Variants in CDON observed in about 807,000 individuals in gnomAD.
CDON encodes the protein cell adhesion associated, oncogene regulated.
Under a neutral mutation model 120.9 loss-of-function variants are expected in CDON, and 73 were observed. The ratio of observed to expected loss-of-function variants is 0.60; its 90% CI spans 0.50 to 0.73. CDON has a LOEUF of 0.73. CDON is among the 30% of genes least tolerant of loss of function. The probability of loss-of-function intolerance (pLI) is 0.00; values close to 1 mark genes in which losing one functional copy is unlikely to be tolerated. For synonymous variants in CDON, 566 were observed against 573.5 expected (o/e 0.99, Z 0.19); for missense variants, 1,470 against 1,587.3 (o/e 0.93, Z 1.26).
chr11:125,969,663 A>G (rs1945905909), intron 18 of CDON, among the ~76,000 whole-genome samples: 1 of 152,238 alleles, frequency 6.6e-6, no homozygotes, highest in South Asian at 2.1e-4. Flanking sequence ...AGCTCTATGC[A>G]TCTTGCTACA....
At chr11:125,970,376 TG>T in intron 18 of CDON, among the ~76,000 whole-genome samples, 2 of 151,972 alleles carry the variant, frequency 1.3e-5, no homozygotes, top group African/African-American at 4.8e-5. Context: ...GGTTTCACCA[TG>T]TTGGTCAGGC....
chr11:126,055,064 C>T (rs559129918), intron 1 of CDON, among the ~76,000 whole-genome samples: 41 of 152,264 alleles, frequency 2.7e-4, no homozygotes, highest in Non-Finnish European at 5.0e-4. Context: ...TTAATGAAAG[C>T]AGTCACGTGA....
At position 125,958,064 on chromosome 11, in the gene CDON, GAA is replaced by G; in HGVS notation, c.*2876_*2877del. The stretch of plus-strand genomic sequence containing the variant: ...GGAGAAATGTGGACCTCTGGAAGAC[GAA>G]GTCATAAGCAGAGCTCTGCCCGCGG... On this transcript the variant is annotated 3_prime_UTR_variant, in exon 20 of 20. Coordinates refer to ENST00000531738, the MANE Select transcript of CDON (RefSeq NM_001378964.1). The G allele has an allele frequency of 6.6e-6, 1 of 152,342 alleles. No individual in the cohort carries two copies. Among genetic ancestry groups the G allele is most frequent in the South Asian group, 2.1e-4 (1 of 4,820 alleles). The allele number at this position is 152,342 out of a possible 1,614,324, so 9.4% of individuals were successfully genotyped here.
rs75314005 is a variant in CDON, at chr11:125,963,568, T to A, written c.3357-1570A>T. Among the ~76,000 whole-genome samples the A allele has an allele frequency of 6.5e-3, 989 of 152,288 alleles. 12 individuals carry two copies. Among genetic ancestry groups the A allele is most frequent in the African/African-American group, 0.023 (955 of 41,564 alleles). Reference sequence around the variant, plus strand: ...CGTTCAAGTTACTGGAAATACCAAATCTTAAGCATGAAGACAGACATGAAC... The same window carrying A: ...CGTTCAAGTTACTGGAAATACCAAAACTTAAGCATGAAGACAGACATGAAC... On this transcript the variant is annotated intron_variant, in intron 18 of 19. Coordinates refer to ENST00000531738, the MANE Select transcript of CDON (RefSeq NM_001378964.1).
intron 15 of CDON, among the ~76,000 whole-genome samples, 160 bp downstream of exon 15, chr11:125,989,477 A>G (rs1436067885): frequency 1.3e-5 from 2 of 152,320 alleles, no homozygotes; most frequent in East Asian, 3.9e-4. Context: ...TGGAGGTTGC[A>G]GCGAGTTGAG....
rs778763147 is a variant in CDON, at chr11:126,001,863, A to G, written c.2027-13T>C. 2.5e-6 allele frequency: 4 copies of G among 1,578,048 alleles called. No homozygotes were observed. Among genetic ancestry groups the G allele is most frequent in the Non-Finnish European group, 3.5e-6 (4 of 1,146,888 alleles). ...GACGCTGTTTTTTCTAGAAAGGTAA[A>G]TAAACATATACAGTAACATAAGCAT... On this transcript the variant is annotated splice_polypyrimidine_tract_variant and intron_variant, in intron 10 of 19. Transcript: ENST00000531738.
intron 1 of CDON, among the ~76,000 whole-genome samples, chr11:126,032,428 G>A (rs1008097308): frequency 2.6e-5 from 4 of 151,758 alleles, no homozygotes; most frequent in African/African-American, 7.3e-5. Context: ...CACAGTGAGG[G>A]GAAAGCAACA....
At position 126,017,119 on chromosome 11, in the gene CDON, T is replaced by C; in HGVS notation, c.897A>G (p.Val299=). The part of the protein sequence containing the change: ...SCMAGNKSGD[V]KYVTYMVNVL... ...CATTAACCATGTAAGTCACATATTT[T>C]ACATCTCCAGACTTGTTTCCCGCCA... The change falls in exon 6 of 20, where the codon GTA becomes GTG. Residue 299 remains valine, a synonymous_variant. Transcript: ENST00000531738. 1 of 1,614,198 alleles carries C rather than the reference T, an allele frequency of 6.2e-7. No homozygotes were observed. Among genetic ancestry groups the C allele is most frequent in the Non-Finnish European group, 8.5e-7 (1 of 1,180,016 alleles).
intron 14 of CDON, among the ~76,000 whole-genome samples, chr11:125,993,044 AC>A (rs1249971092): frequency 3.9e-5 from 6 of 152,154 alleles, no homozygotes; most frequent in African/African-American, 1.4e-4. Flanking sequence ...TAGAAATGCT[AC>A]GTCAGAAAGT....
chr11:125,996,694 C>A (rs1591367407), intron 12 of CDON, among the ~76,000 whole-genome samples: 1 of 64,324 alleles, frequency 1.6e-5, no homozygotes. Context: ...AGGGAGACTC[C>A]ATCTCAAAAA....
intron 11 of CDON, among the ~76,000 whole-genome samples, chr11:125,999,957 T>C (rs1946893690): frequency 6.6e-6 from 1 of 152,224 alleles, no homozygotes; most frequent in African/African-American, 2.4e-5. Flanking sequence ...GAGATGTCTT[T>C]GCTAGAAACT....
chr11:126,027,969 C>CTTTTTTTT (rs769832631), intron 1 of CDON, among the ~76,000 whole-genome samples: 1 of 125,782 alleles, frequency 8.0e-6, no homozygotes, highest in Middle Eastern at 4.1e-3. Flanking sequence ...ATCACTCTGC[C>CTTTTTTTT]TTTTTTTTTT....
chr11:125,994,391 TA>T lies in CDON; in HGVS notation c.2545-3del, dbSNP rs758966238. On this transcript the variant is annotated splice_polypyrimidine_tract_variant and splice_region_variant and intron_variant, in intron 13 of 19. Transcript: ENST00000531738. ...GTTATTGTTACTTGATGGAATGTAC[TA>T]AAAAACAGAAGCAAAGACTTGTCAA... 14 of 1,467,206 alleles carry T rather than the reference TA, an allele frequency of 9.5e-6. No individual in the cohort carries two copies. Among genetic ancestry groups the T allele is most frequent in the Non-Finnish European group, 1.3e-5 (14 of 1,046,164 alleles). The allele number at this position is 1,467,206 out of a possible 1,614,324, so 90.9% of individuals were successfully genotyped here.
In CDON at chr11:125,978,469, A is replaced by G. The variant is rs1021038750; in HGVS notation, c.3277-86T>C. 5.7e-5 allele frequency: 47 copies of G among 827,748 alleles called. No homozygotes were observed. In the Middle Eastern group the frequency reaches 6.5e-4, roughly 11 times the overall value. The allele number at this position is 827,748 out of a possible 1,614,324, so 51.3% of individuals were successfully genotyped here. ...GACCAGTAGCCAAATAATCACAAAT[A>G]CACATGAGCCATGTCAACCATAAAT... On this transcript the variant is annotated intron_variant, in intron 17 of 19. Transcript: ENST00000531738.
intron 15 of CDON, among the ~76,000 whole-genome samples, chr11:125,987,048 C>T (rs994230126): frequency 2.0e-5 from 3 of 152,118 alleles, no homozygotes; most frequent in Non-Finnish European, 2.9e-5. Context: ...ATGGATATTC[C>T]GTATCATATA....
At chr11:126,033,095 C>T (rs1342542809) in intron 1 of CDON, among the ~76,000 whole-genome samples, 2 of 152,128 alleles carry the variant, frequency 1.3e-5, no homozygotes, top group Non-Finnish European at 2.9e-5. Context: ...TTCATCTGTC[C>T]ACTGCTCTAT....
intron 1 of CDON, among the ~76,000 whole-genome samples, chr11:126,051,044 T>A (rs1482903551): frequency 1.3e-5 from 2 of 152,130 alleles, no homozygotes; most frequent in African/African-American, 4.8e-5. Context: ...AAACTCACAT[T>A]TCAACATGAA....
At chr11:126,005,631 C>T (rs544509474) in intron 9 of CDON, 128 bp downstream of exon 9, 2 of 859,740 alleles carry the variant, frequency 2.3e-6, no homozygotes, top group Admixed American at 1.9e-5. Context: ...ATCTCTCTGA[C>T]AAACTCATCA....
intron 11 of CDON, among the ~76,000 whole-genome samples, chr11:125,999,862 G>C (rs1189673985): frequency 6.6e-6 from 1 of 152,080 alleles, no homozygotes; most frequent in African/African-American, 2.4e-5. Context: ...ATCACACAAG[G>C]CATTCCCCAC....
Sources: allele counts gnomAD v4.1 joint callset (sites outside exome capture counted in the v4.1 genomes callset), GRCh38; gene constraint gnomAD v4.1.1; transcripts MANE v1.5; gene names NCBI Gene and HGNC (gene_info 2026-07-23, HGNC 2026-07-21).